Variants in ZFHX3 observed in about 807,000 individuals in gnomAD.
The protein encoded by ZFHX3 is zinc finger homeobox 3, also known as zinc finger homeobox protein 3.
Under a neutral mutation model 279.1 loss-of-function variants are expected in ZFHX3, and 42 were observed. The observed-to-expected ratio is 0.15, with a 90% confidence interval of 0.12 to 0.19. The LOEUF (loss-of-function observed/expected upper bound fraction) is 0.19, where lower values mean the gene tolerates loss of function less well. Ranked by LOEUF, ZFHX3 falls within the 10% of genes least tolerant of loss-of-function variation. ZFHX3 has a pLI of 1.00. For synonymous variants in ZFHX3, 2,293 were observed against 1,957.8 expected, an observed-to-expected ratio of 1.17 and a Z score of -4.52; for missense variants, 4,981 against 4,754.0, an observed-to-expected ratio of 1.05 and a Z score of -1.40.
Position 72,958,742 on chromosome 16 carries a change from C to T in ZFHX3, c.1404G>A (p.Glu468=). The T allele has an allele frequency of 6.2e-7, 1 of 1,612,188 alleles. No homozygotes were observed. The highest frequency in any genetic ancestry group is 1.7e-4 in the Middle Eastern group (1 of 6,026). ...CCTCCTCCTCCTCCGCCTCTTCCTC[C>T]TCCTCTTCCTCCTCCGCCTCCTCTT... ...PAEEEAEEEE[E]EEEAEEEEEE... Residue 468 remains glutamate (E), a synonymous_variant, in exon 2 of 10, where the codon GAG becomes GAA. Coordinates refer to ENST00000268489, the MANE Select transcript of ZFHX3 (RefSeq NM_006885.4).
At chr16:73,662,862 G>A (rs1271251472) in intron 2 of ZFHX3, among the ~76,000 whole-genome samples, 1 of 152,112 alleles carries the variant, frequency 6.6e-6, no homozygotes, top group African/African-American at 2.4e-5. Context: ...AGTGGGCGGG[G>A]GAGAAGGGGT....
intron 7 of ZFHX3, among the ~76,000 whole-genome samples, chr16:73,119,453 A>G (rs1465400702): frequency 1.3e-5 from 2 of 152,076 alleles, no homozygotes; most frequent in African/African-American, 4.8e-5. Flanking sequence ...TGGCAGCCAC[A>G]CTGTGTCTCC....
chr16:73,851,129 C>T (rs566689227), intron 1 of ZFHX3, among the ~76,000 whole-genome samples: 13 of 152,076 alleles, frequency 8.5e-5, no homozygotes, highest in Non-Finnish European at 1.2e-4. Flanking sequence ...TGGTTACGAA[C>T]GATTTTTTTC....
At chr16:73,284,316 C>CAA (rs71156152) in intron 4 of ZFHX3, among the ~76,000 whole-genome samples, 365 of 82,858 alleles carry the variant, frequency 4.4e-3, no homozygotes, top group Middle Eastern at 8.8e-3. Flanking sequence ...GACTCTGTCT[C>CAA]AAAAAAAAAA....
chr16:73,527,835 C>T (rs546607881), intron 2 of ZFHX3, among the ~76,000 whole-genome samples: 3 of 152,324 alleles, frequency 2.0e-5, no homozygotes, highest in African/African-American at 7.2e-5. Flanking sequence ...CTACCCAAGC[C>T]TTGAAATGAT....
At chr16:73,394,179 C>T (rs1285657811) in intron 3 of ZFHX3, among the ~76,000 whole-genome samples, 1 of 150,096 alleles carries the variant, frequency 6.7e-6, no homozygotes, top group Non-Finnish European at 1.5e-5. Flanking sequence ...AACCTTCTAA[C>T]AGATAAAACG....
In ZFHX3 at chr16:73,450,524, T is replaced by A. The variant is rs187670475; in HGVS notation, c.-1291+5479A>T. 3.9e-5 allele frequency among the ~76,000 whole-genome samples: 6 copies of A among 152,340 alleles called. No homozygotes were observed. In the East Asian group the frequency reaches 1.2e-3, roughly 29 times the overall value. Reference sequence around the variant, plus strand: ...TTAACACGTGTTTGTGGTTTTCATCTTCGTGTTTTTCATAATTTTGCTTAT... The same window carrying A: ...TTAACACGTGTTTGTGGTTTTCATCATCGTGTTTTTCATAATTTTGCTTAT... On this transcript the variant is annotated intron_variant, in intron 3 of 17. Transcript: ENST00000641206.
At chr16:73,480,330 C>T (rs1192051874) in intron 2 of ZFHX3, among the ~76,000 whole-genome samples, 1 of 152,158 alleles carries the variant, frequency 6.6e-6, no homozygotes, top group Non-Finnish European at 1.5e-5. Context: ...CGGCCACCAC[C>T]TGCTTACTGT....
chr16:73,499,845 C>G (rs1044758330), intron 2 of ZFHX3: 2 of 152,140 alleles, frequency 1.3e-5, no homozygotes, highest in Non-Finnish European at 2.9e-5. Flanking sequence ...ATTACAATGG[C>G]GCTGAAAATT....
chr16:73,639,079 C>G (rs1265561747), intron 2 of ZFHX3, among the ~76,000 whole-genome samples: 5 of 152,148 alleles, frequency 3.3e-5, no homozygotes, highest in Non-Finnish European at 7.3e-5. Context: ...GAAAAAAATA[C>G]CATGCAACGG....
intron 5 of ZFHX3, among the ~76,000 whole-genome samples, chr16:72,821,363 A>G (rs1268038554): frequency 6.6e-6 from 1 of 152,204 alleles, no homozygotes; most frequent in Non-Finnish European, 1.5e-5. Flanking sequence ...GGCATTTTGT[A>G]CAGTACAGAG....
intron 2 of ZFHX3, among the ~76,000 whole-genome samples, chr16:73,582,767 A>T (rs11865551): frequency 6.6e-6 from 1 of 151,864 alleles, no homozygotes; most frequent in East Asian, 1.9e-4. Flanking sequence ...ATGAGCCACC[A>T]TGCCTGGCCA....
At chr16:73,582,834 A>G (rs535476707) in intron 2 of ZFHX3, among the ~76,000 whole-genome samples, 11 of 151,574 alleles carry the variant, frequency 7.3e-5, no homozygotes, top group Non-Finnish European at 1.0e-4. Context: ...TTGGAGTTAT[A>G]TAAGATGATA....
intron 7 of ZFHX3, among the ~76,000 whole-genome samples, chr16:73,094,162 T>C (rs956117561): frequency 9.2e-5 from 14 of 152,214 alleles, no homozygotes; most frequent in Admixed American, 1.3e-4. Flanking sequence ...TTGAAAATAA[T>C]GCCTGATCTT....
chr16:73,408,264 C>T lies in ZFHX3; in HGVS notation c.-1291+47739G>A, dbSNP rs187242319. 3.9e-3 allele frequency among the ~76,000 whole-genome samples: 590 copies of T among 152,082 alleles called. 5 individuals are homozygous for T. The highest frequency in any genetic ancestry group is 3.4e-3 in the Middle Eastern group (1 of 294). ...TTGTTGTGTCCACCATAAAAATAGA[C>T]GTGTGGATGAAATGATCTTGGAGCA... On this transcript the variant is annotated intron_variant, in intron 3 of 17. Coordinates refer to the ZFHX3 transcript ENST00000641206.
At chr16:73,800,900 T>A (rs1451378643) in intron 1 of ZFHX3, among the ~76,000 whole-genome samples, 1 of 152,198 alleles carries the variant, frequency 6.6e-6, no homozygotes, top group Admixed American at 6.5e-5. Context: ...TCTGACACAC[T>A]GACTCTGTAA....
At chr16:73,881,774 C>A (rs2030174914) in intron 1 of ZFHX3, among the ~76,000 whole-genome samples, 1 of 151,940 alleles carries the variant, frequency 6.6e-6, no homozygotes, top group South Asian at 2.1e-4. Flanking sequence ...AAAAAAGAAG[C>A]TGGCTATTAT....
chr16:73,162,911 G>A (rs1044380901), intron 5 of ZFHX3, among the ~76,000 whole-genome samples: 11 of 152,194 alleles, frequency 7.2e-5, no homozygotes, highest in Admixed American at 4.6e-4. Context: ...TTCTAACTAC[G>A]TCCTCAGAAA....
At chr16:73,111,592 G>C (rs1471601776) in intron 7 of ZFHX3, among the ~76,000 whole-genome samples, 1 of 151,480 alleles carries the variant, frequency 6.6e-6, no homozygotes, top group African/African-American at 2.4e-5. Context: ...GAGGGAGGGA[G>C]GGAGGGAAGA....
Sources: gnomAD v4.1 joint callset for allele counts (sites outside exome capture counted in the v4.1 genomes callset) on GRCh38, gnomAD v4.1.1 for gene constraint, MANE v1.5 for transcripts, NCBI Gene and HGNC (gene_info 2026-07-23, HGNC 2026-07-21) for gene names.